The following COL4A3 variants were observed in gnomAD, a reference collection of about 807,000 sequenced individuals.
COL4A3 encodes the protein collagen alpha-3(IV) chain.
Under a neutral mutation model 217.4 loss-of-function variants are expected in COL4A3, and 135 were observed. The ratio of observed to expected loss-of-function variants is 0.62; its 90% CI spans 0.54 to 0.72. The LOEUF (loss-of-function observed/expected upper bound fraction) is 0.72, where lower values mean the gene tolerates loss of function less well. COL4A3 is among the 30% of genes least tolerant of loss of function. COL4A3 has a pLI of 0.00. For synonymous variants in COL4A3, 690 were observed against 736.3 expected (o/e 0.94, Z 1.02); for missense variants, 1,868 against 2,119.9 (o/e 0.88, Z 2.33).
chr2:227,198,009 C>A (rs1159382939), intron 1 of COL4A3, among the ~76,000 whole-genome samples: 1 of 152,202 alleles, frequency 6.6e-6, no homozygotes, highest in Admixed American at 6.5e-5. Flanking sequence ...TTGTGGAAAT[C>A]GTGTTTATGC....
chr2:227,250,207 G>A lies in COL4A3; in HGVS notation c.547-933G>A, dbSNP rs996675181. On this transcript the variant is annotated intron_variant, in intron 9 of 51. Transcript: ENST00000396578. This position sits in a 1 kb window ranked among gnomAD's most constrained non-coding sequence, Gnocchi z 4.1. ...GTGCGCCTGTAGTTCCAGCTACTTG[G>A]GAGGCTGAGGCAGGAGAATCACTTG... is the stretch of plus-strand genomic sequence containing the variant. 6.6e-6 allele frequency among the ~76,000 whole-genome samples: 1 copy of A among 152,138 alleles called. No homozygotes were observed. The highest frequency in any genetic ancestry group is 1.5e-5 in the Non-Finnish European group (1 of 68,038).
intron 39 of COL4A3, 46 bp downstream of exon 39, chr2:227,294,616 C>T (rs1269024632): frequency 4.5e-6 from 6 of 1,322,760 alleles, no homozygotes; most frequent in African/African-American, 1.4e-5. Context: ...GTGGGAGACA[C>T]ATTTTCTCCT....
chr2:227,193,752 GGAAGGAAGGAAGGAA>G (rs2066337825), intron 1 of COL4A3, among the ~76,000 whole-genome samples: 2 of 19,026 alleles, frequency 1.1e-4, no homozygotes, highest in African/African-American at 1.9e-4. Flanking sequence ...AGGGAGGGAA[GGAAGGAAGGAAGGAA>G]GGAAGGAAGG....
chr2:227,173,403 C>T (rs1421638436), intron 1 of COL4A3, among the ~76,000 whole-genome samples: 2 of 152,100 alleles, frequency 1.3e-5, no homozygotes, highest in Non-Finnish European at 2.9e-5. Flanking sequence ...CGTTGATCTC[C>T]CAAAATGTAA....
intron 23 of COL4A3, 80 bp from the exon 24 acceptor site, chr2:227,269,828 ATT>A: frequency 1.3e-5 from 15 of 1,184,982 alleles, no homozygotes; most frequent in Non-Finnish European, 1.9e-5. Flanking sequence ...GAAACACTCT[ATT>A]TTCTTCATAC....
intron 1 of COL4A3, among the ~76,000 whole-genome samples, chr2:227,216,073 A>G (rs940323828): frequency 2.6e-5 from 4 of 151,222 alleles, no homozygotes; most frequent in Admixed American, 2.0e-4. Context: ...CAGGGACTGG[A>G]GGGAGGAGAG....
chr2:227,301,414 G>A (rs1046905862), intron 43 of COL4A3, among the ~76,000 whole-genome samples: 1 of 152,122 alleles, frequency 6.6e-6, no homozygotes, highest in African/African-American at 2.4e-5. Flanking sequence ...CTTTGCCATA[G>A]CTCATTGTTA....
intron 5 of COL4A3, among the ~76,000 whole-genome samples, chr2:227,245,197 C>CAGGAT (rs1348096985): frequency 6.6e-6 from 1 of 151,732 alleles, no homozygotes; most frequent in Non-Finnish European, 1.5e-5. Context: ...ACAAGCAGGA[C>CAGGAT]AGGATAGGAT....
intron 45 of COL4A3, 44 bp from the exon 46 acceptor site, chr2:227,303,975 A>C: frequency 1.2e-6 from 2 of 1,614,262 alleles, no homozygotes; most frequent in South Asian, 1.1e-5. Flanking sequence ...GAAAGGTAAC[A>C]CATCCGTGAG....
chr2:227,291,634 A>G (rs2072749475), intron 37 of COL4A3, among the ~76,000 whole-genome samples: 1 of 151,772 alleles, frequency 6.6e-6, no homozygotes, highest in African/African-American at 2.4e-5. Flanking sequence ...AACAAAAGAT[A>G]CAAAATAAAA....
At chr2:227,263,189 T>C (rs10169757) in intron 20 of COL4A3, among the ~76,000 whole-genome samples, 54,903 of 152,138 alleles carry the variant, frequency 0.36, 11,173 homozygotes, top group South Asian at 0.54. Flanking sequence ...CCCCGGCTGG[T>C]TTCTCAGTCC....
chr2:227,269,064 T>C (rs1647426137), intron 23 of COL4A3, among the ~76,000 whole-genome samples: 1 of 152,148 alleles, frequency 6.6e-6, no homozygotes, highest in South Asian at 2.1e-4. Context: ...AAATAGAATC[T>C]GAATAAATAT....
chr2:227,283,975 T>C, intron 33 of COL4A3, 119 bp downstream of exon 33: 2 of 1,049,578 alleles, frequency 1.9e-6, no homozygotes, highest in Non-Finnish European at 2.9e-6. Context: ...CAACAGTATT[T>C]GATTTTGCTG....
At chr2:227,305,195 C>A in intron 47 of COL4A3, 112 bp downstream of exon 47, 2 of 851,920 alleles carry the variant, frequency 2.3e-6, no homozygotes, top group Non-Finnish European at 3.9e-6. Flanking sequence ...TTATGTTGTT[C>A]AGATCAGACC....
intron 35 of COL4A3, among the ~76,000 whole-genome samples, chr2:227,289,741 T>C (rs1439006095): frequency 6.6e-6 from 1 of 152,172 alleles, no homozygotes; most frequent in Non-Finnish European, 1.5e-5. Flanking sequence ...CCCACTTTTT[T>C]CCCGCTGGTG....
intron 3 of COL4A3, among the ~76,000 whole-genome samples, chr2:227,241,282 C>G (rs1287142102): frequency 6.6e-6 from 1 of 152,224 alleles, no homozygotes; most frequent in African/African-American, 2.4e-5. Context: ...ATTCCCCTGA[C>G]TACTGACCTC....
chr2:227,266,978 A>G lies in COL4A3; in HGVS notation c.1409-15A>G, dbSNP rs762763415. Reference sequence around the variant, plus strand: ...ATGTAGCTTTTTAAGTAATGCTAGTATGCTCTCATTGCAGGAGAACCAGGC... The same window carrying G: ...ATGTAGCTTTTTAAGTAATGCTAGTGTGCTCTCATTGCAGGAGAACCAGGC... On this transcript the variant is annotated splice_polypyrimidine_tract_variant and intron_variant, in intron 22 of 51. Transcript: ENST00000396578. The G allele has an allele frequency of 1.9e-6, 3 of 1,570,030 alleles. No homozygotes were observed. Among genetic ancestry groups the G allele is most frequent in the Non-Finnish European group, 2.6e-6 (3 of 1,140,074 alleles).
intron 25 of COL4A3, 123 bp downstream of exon 25, chr2:227,271,075 A>G (rs2071206653): frequency 1.2e-6 from 1 of 830,290 alleles, no homozygotes; most frequent in Non-Finnish European, 2.0e-6. Context: ...CTGCAGAATG[A>G]AACATCTTCA....
chr2:227,283,752 A>C lies in COL4A3; in HGVS notation c.2657-15A>C, dbSNP rs751284662. 17 of 1,609,058 alleles carry C rather than the reference A, an allele frequency of 1.1e-5. No individual in the cohort carries two copies. In the Admixed American group the frequency reaches 1.3e-4, roughly 13 times the overall value. ...TGTACAACACGTGCTGCTTTGTGTT[A>C]ATTTGTTTCCATAGGTGAAGATGGA... On this transcript the variant is annotated splice_polypyrimidine_tract_variant and intron_variant, in intron 32 of 51. Coordinates refer to ENST00000396578, the MANE Select transcript of COL4A3 (RefSeq NM_000091.5).
Sources: gnomAD v4.1 joint callset for allele counts (sites outside exome capture counted in the v4.1 genomes callset) on GRCh38, gnomAD v4.1.1 for gene constraint, Gnocchi (gnomAD v3.1) non-coding constraint, MANE v1.5 for transcripts, NCBI Gene and HGNC (gene_info 2026-07-23, HGNC 2026-07-21) for gene names.